The following FAM171A1 variants were observed in gnomAD, a reference collection of about 807,000 sequenced individuals.
FAM171A1 encodes family with sequence similarity 171 member A1, also known as protein FAM171A1.
Under a neutral mutation model 74.9 loss-of-function variants are expected in FAM171A1, and 23 were observed. The ratio of observed to expected loss-of-function variants is 0.31; its 90% CI spans 0.22 to 0.44. FAM171A1 has a LOEUF of 0.44. Ranked by LOEUF, FAM171A1 falls within the 20% of genes least tolerant of loss-of-function variation. The pLI is 1.00. For synonymous variants in FAM171A1, 527 were observed against 505.7 expected, an observed-to-expected ratio of 1.04 and a Z score of -0.57; for missense variants, 1,162 against 1,159.2, an observed-to-expected ratio of 1.00 and a Z score of -0.03.
chr10:15,343,607 T>C (rs779731792), intron 1 of FAM171A1, among the ~76,000 whole-genome samples: 26 of 152,062 alleles, frequency 1.7e-4, no homozygotes, highest in Non-Finnish European at 3.7e-4. Context: ...AAAAGCACCC[T>C]AGAGGAGTGA....
At chr10:15,275,596 T>C (rs181566043) in intron 3 of FAM171A1, among the ~76,000 whole-genome samples, 1 of 152,120 alleles carries the variant, frequency 6.6e-6, no homozygotes, top group Non-Finnish European at 1.5e-5. Context: ...AAGATTTTAG[T>C]AGGTGGCCCA....
chr10:15,340,065 A>G (rs1190734057), intron 1 of FAM171A1, among the ~76,000 whole-genome samples: 1 of 152,188 alleles, frequency 6.6e-6, no homozygotes, highest in Admixed American at 6.5e-5. Context: ...GGAAGCTACA[A>G]TTCAAGATGA....
intron 4 of FAM171A1, among the ~76,000 whole-genome samples, chr10:15,252,189 G>C (rs930100573): frequency 6.6e-6 from 1 of 152,138 alleles, no homozygotes; most frequent in Admixed American, 6.5e-5. Context: ...GGAAGAGTGC[G>C]ATGCTCTCCG....
At chr10:15,249,098 C>CTTTTTTTTTTTTTTTT (rs71390024) in intron 4 of FAM171A1, among the ~76,000 whole-genome samples, 1 of 133,886 alleles carries the variant, frequency 7.5e-6, no homozygotes, top group Non-Finnish European at 1.6e-5. Flanking sequence ...TTTCTTTTTT[C>CTTTTTTTTTTTTTTTT]TTTTTTTTTT....
At chr10:15,244,759 C>T (rs553458831) in intron 5 of FAM171A1, among the ~76,000 whole-genome samples, 31 of 152,082 alleles carry the variant, frequency 2.0e-4, no homozygotes, top group Admixed American at 3.3e-4. Flanking sequence ...AACAGGTCCC[C>T]GCACAGACTC....
intron 1 of FAM171A1, among the ~76,000 whole-genome samples, chr10:15,299,988 A>ACAAG (rs397828206): frequency 6.7e-6 from 1 of 150,320 alleles, no homozygotes; most frequent in Non-Finnish European, 1.5e-5. Flanking sequence ...AAACAAACAA[A>ACAAG]AAAGGGCAAA....
rs1384845378 is a variant in FAM171A1 at position 15,212,997 on chromosome 10, T to A, written c.2591A>T (p.Asp864Val). 7 of 1,614,140 alleles carry A rather than the reference T, an allele frequency of 4.3e-6. No homozygotes were observed. The South Asian group carries it at 6.6e-5, about 15-fold the overall frequency. ...RSAHEEEEDD[D>V]DDDQGEDKKS... ...CTTGTCTTCTCCTTGGTCATCATCA[T>A]CATCGTCTTCCTCTTCCTCGTGGGC... The change falls in exon 8 of 8, where the codon GAT becomes GTT. Residue 864 changes from aspartate to valine, a missense_variant. Asp to Val is a radical substitution (Grantham distance 152, BLOSUM62 -3). Transcript: ENST00000378116.
intron 4 of FAM171A1, among the ~76,000 whole-genome samples, chr10:15,252,938 G>C (rs1410130769): frequency 6.6e-6 from 1 of 152,162 alleles, no homozygotes; most frequent in African/African-American, 2.4e-5. Flanking sequence ...TCCAAGTTAG[G>C]GTTTTGTGGA....
chr10:15,370,775 G>T (rs1295872536), intron 1 of FAM171A1, among the ~76,000 whole-genome samples, 181 bp downstream of exon 1: 1 of 122,616 alleles, frequency 8.2e-6, no homozygotes, highest in Non-Finnish European at 1.7e-5. Flanking sequence ...CCGCGTCGCC[G>T]GCCCGCGCCG....
chr10:15,359,077 T>C (rs1355183187), intron 1 of FAM171A1, among the ~76,000 whole-genome samples: 1 of 152,224 alleles, frequency 6.6e-6, no homozygotes, highest in Non-Finnish European at 1.5e-5. Flanking sequence ...TCAAGCTCCT[T>C]TGCATACTGT....
At chr10:15,260,820 C>T (rs1437907164) in intron 3 of FAM171A1, among the ~76,000 whole-genome samples, 1 of 152,150 alleles carries the variant, frequency 6.6e-6, no homozygotes, top group African/African-American at 2.4e-5. Flanking sequence ...GACCTCTACC[C>T]ACTAGATGTC....
At chr10:15,238,928 A>G (rs1834329855) in intron 5 of FAM171A1, among the ~76,000 whole-genome samples, 1 of 152,226 alleles carries the variant, frequency 6.6e-6, no homozygotes, top group South Asian at 2.1e-4. Flanking sequence ...GGTTGCCATT[A>G]AACAGGAGAA....
intron 6 of FAM171A1, among the ~76,000 whole-genome samples, chr10:15,216,958 T>TA (rs1185566181): frequency 2.0e-5 from 3 of 152,112 alleles, no homozygotes; most frequent in African/African-American, 4.8e-5. Flanking sequence ...TCCTGTGACT[T>TA]AAAAAAGTCA....
intron 4 of FAM171A1, among the ~76,000 whole-genome samples, chr10:15,252,688 T>C (rs554346239): frequency 4.6e-5 from 7 of 152,306 alleles, no homozygotes; most frequent in African/African-American, 1.7e-4. Flanking sequence ...AGCCTAGTCA[T>C]TTCTAGGTCA....
At chr10:15,300,138 C>T (rs576518810) in intron 1 of FAM171A1, among the ~76,000 whole-genome samples, 48 of 152,312 alleles carry the variant, frequency 3.2e-4, no homozygotes, top group African/African-American at 1.0e-3. Flanking sequence ...AAATCATATA[C>T]ATATGGGCTT....
At position 15,214,620 on chromosome 10, in the gene FAM171A1, T is replaced by A. The variant is rs757351190; in HGVS notation, c.987-19A>T. 2 of 1,540,540 alleles carry A rather than the reference T, an allele frequency of 1.3e-6. No individual in the cohort carries two copies. Among genetic ancestry groups the A allele is most frequent in the Non-Finnish European group, 1.7e-6 (2 of 1,147,058 alleles). Reference sequence around the variant, plus strand: ...CTTCCTCCTGCGCCCAAAGACACAATCCAAAGCCAAAGATTAGTGATTCTC... The same window carrying A: ...CTTCCTCCTGCGCCCAAAGACACAAACCAAAGCCAAAGATTAGTGATTCTC... On this transcript the variant is annotated intron_variant, in intron 7 of 7. Transcript: ENST00000378116.
In FAM171A1 at chr10:15,291,479, G is replaced by A. The variant is rs1404429336; in HGVS notation, c.98-7374C>T. ...ACTGGCTAGCGGTTCCTGCGTCGGA[G>A]AGTGCAGACTGGATATTTCTATCAT... is the stretch of plus-strand genomic sequence containing the variant. On this transcript the variant is annotated intron_variant, in intron 1 of 7. Coordinates refer to ENST00000378116, the MANE Select transcript of FAM171A1 (RefSeq NM_001010924.2). 3.9e-5 allele frequency among the ~76,000 whole-genome samples: 6 copies of A among 152,196 alleles called. No individual in the cohort carries two copies. The East Asian group carries it at 1.2e-3, about 29-fold the overall frequency.
intron 5 of FAM171A1, among the ~76,000 whole-genome samples, chr10:15,243,546 C>G (rs1460422006): frequency 1.3e-5 from 2 of 152,076 alleles, no homozygotes; most frequent in African/African-American, 4.8e-5. Flanking sequence ...GCACACAACC[C>G]ATACAGGAAT....
chr10:15,216,920 G>A (rs1287987028), intron 6 of FAM171A1, among the ~76,000 whole-genome samples: 14 of 151,206 alleles, frequency 9.3e-5, no homozygotes, highest in Non-Finnish European at 8.8e-5. Flanking sequence ...TAGCCCAAAT[G>A]AATCAGTTTA....
Sources: allele counts gnomAD v4.1 joint callset (sites outside exome capture counted in the v4.1 genomes callset), GRCh38; gene constraint gnomAD v4.1.1; transcripts MANE v1.5; gene names NCBI Gene and HGNC (gene_info 2026-07-23, HGNC 2026-07-21).